FAT3: variants seen among roughly 807,000 people sequenced by gnomAD.
FAT3 encodes the protein protocadherin Fat 3.
In FAT3, 95 loss-of-function variants were observed where a neutral mutation model predicts 310.2. The ratio of observed to expected loss-of-function variants is 0.31; its 90% CI spans 0.26 to 0.36. The LOEUF (loss-of-function observed/expected upper bound fraction) is 0.36, where lower values mean the gene tolerates loss of function less well. Ranked by LOEUF, FAT3 falls within the 10% of genes least tolerant of loss-of-function variation. FAT3 has a pLI of 1.00. For synonymous variants in FAT3, 2,314 were observed against 2,192.9 expected, an observed-to-expected ratio of 1.06 and a Z score of -1.54; for missense variants, 5,408 against 5,715.6, an observed-to-expected ratio of 0.95 and a Z score of 1.74.
intron 21 of FAT3, 28 bp downstream of exon 21, chr11:92,859,350 C>T (rs946671452): frequency 6.5e-7 from 1 of 1,544,344 alleles, no homozygotes; most frequent in Non-Finnish European, 8.8e-7. Flanking sequence ...TCTTTTTCTG[C>T]AGTCAGTTCT....
intron 22 of FAT3, among the ~76,000 whole-genome samples, chr11:92,879,944 A>C (rs1216252720): frequency 6.6e-6 from 1 of 152,168 alleles, no homozygotes; most frequent in African/African-American, 2.4e-5. Context: ...AATTTAAAAA[A>C]ACAAATCTTA....
At chr11:92,840,946 C>T (rs1292682309) in intron 18 of FAT3, among the ~76,000 whole-genome samples, 187 bp downstream of exon 18, 1 of 152,144 alleles carries the variant, frequency 6.6e-6, no homozygotes, top group Non-Finnish European at 1.5e-5. Flanking sequence ...TGAAACTGAA[C>T]AGGAAGGAAG....
At chr11:92,644,491 C>G (rs551102585) in intron 3 of FAT3, among the ~76,000 whole-genome samples, 1 of 152,184 alleles carries the variant, frequency 6.6e-6, no homozygotes, top group Non-Finnish European at 1.5e-5. Context: ...ACCCCGCCCC[C>G]CCGATAACTC....
chr11:92,268,958 A>G (rs1417615135), intron 1 of FAT3, among the ~76,000 whole-genome samples: 1 of 152,118 alleles, frequency 6.6e-6, no homozygotes, highest in East Asian at 1.9e-4. Context: ...TTTACTTTGT[A>G]TGGGAAAAAA....
intron 2 of FAT3, among the ~76,000 whole-genome samples, chr11:92,455,726 A>G (rs1951477346): frequency 6.6e-6 from 1 of 152,172 alleles, no homozygotes; most frequent in Non-Finnish European, 1.5e-5. Flanking sequence ...TTACTTTTAG[A>G]TCTTAAAGTT....
intron 2 of FAT3, among the ~76,000 whole-genome samples, chr11:92,467,240 CTGT>C (rs1951787263): frequency 6.6e-6 from 1 of 152,140 alleles, no homozygotes; most frequent in South Asian, 2.1e-4. Context: ...TCTCCAGCAC[CTGT>C]TGTTTCCTGA....
intron 3 of FAT3, among the ~76,000 whole-genome samples, chr11:92,534,625 A>G (rs1042677021): frequency 6.6e-6 from 1 of 152,176 alleles, no homozygotes; most frequent in African/African-American, 2.4e-5. Flanking sequence ...ATAAATTCAT[A>G]TTGGATGTGT....
intron 13 of FAT3, among the ~76,000 whole-genome samples, chr11:92,825,339 A>G (rs1450295579): frequency 6.6e-6 from 1 of 152,200 alleles, no homozygotes; most frequent in Non-Finnish European, 1.5e-5. Flanking sequence ...CCTAAAAGGT[A>G]CATTAATCTA....
At chr11:92,282,054 C>T (rs958163093) in intron 1 of FAT3, among the ~76,000 whole-genome samples, 2 of 152,032 alleles carry the variant, frequency 1.3e-5, no homozygotes, top group Non-Finnish European at 2.9e-5. Flanking sequence ...TACAGGCACA[C>T]ACCACCATGC....
At chr11:92,428,407 T>G (rs1231987540) in intron 2 of FAT3, among the ~76,000 whole-genome samples, 1 of 152,178 alleles carries the variant, frequency 6.6e-6, no homozygotes, top group African/African-American at 2.4e-5. Flanking sequence ...CTTGGTTATT[T>G]CTTTTCTTCT....
At chr11:92,661,083 G>T (rs1326112486) in intron 3 of FAT3, among the ~76,000 whole-genome samples, 2 of 152,188 alleles carry the variant, frequency 1.3e-5, no homozygotes, top group African/African-American at 2.4e-5. Context: ...ATAGTCACAG[G>T]AGTAAGCAAA....
At chr11:92,582,373 T>A (rs960928761) in intron 3 of FAT3, among the ~76,000 whole-genome samples, 1 of 152,012 alleles carries the variant, frequency 6.6e-6, no homozygotes, top group Admixed American at 6.6e-5. Flanking sequence ...TTCACGTGCC[T>A]CTGACACTGC....
chr11:92,582,050 C>T (rs1248739433), intron 3 of FAT3, among the ~76,000 whole-genome samples: 1 of 151,988 alleles, frequency 6.6e-6, no homozygotes, highest in Non-Finnish European at 1.5e-5. Context: ...GTGGATTATT[C>T]ATGCCGCCCT....
At chr11:92,564,066 G>T (rs1267473764) in intron 3 of FAT3, among the ~76,000 whole-genome samples, 4 of 152,042 alleles carry the variant, frequency 2.6e-5, no homozygotes, top group Non-Finnish European at 2.9e-5. Flanking sequence ...TGGACTAAAT[G>T]CTCCAATTAA....
intron 2 of FAT3, among the ~76,000 whole-genome samples, chr11:92,521,325 T>C (rs1288876652): frequency 1.3e-5 from 2 of 152,090 alleles, no homozygotes; most frequent in Admixed American, 6.6e-5. Flanking sequence ...CACAAAAAAA[T>C]TATGTAATGG....
chr11:92,889,916 A>G, intron 27 of FAT3, 25 bp downstream of exon 27: 1 of 717,962 alleles, frequency 1.4e-6, no homozygotes, highest in Non-Finnish European at 2.6e-6. Context: ...ACCCTAGCAT[A>G]ACTTTTTGTG....
chr11:92,409,777 G>A (rs1453441982), intron 2 of FAT3, among the ~76,000 whole-genome samples: 60 of 152,118 alleles, frequency 3.9e-4, no homozygotes, highest in Admixed American at 3.9e-3. Context: ...TTACAACTTA[G>A]AGTTGTTTCT....
chr11:92,339,853 C>T (rs1396404753), intron 1 of FAT3, among the ~76,000 whole-genome samples: 1 of 152,034 alleles, frequency 6.6e-6, no homozygotes, highest in Non-Finnish European at 1.5e-5. Flanking sequence ...GTGGCTCAAG[C>T]CTGTAATTCC....
At chr11:92,631,856 T>C (rs901655037) in intron 3 of FAT3, among the ~76,000 whole-genome samples, 26 of 152,170 alleles carry the variant, frequency 1.7e-4, no homozygotes, top group Non-Finnish European at 3.8e-4. Flanking sequence ...CTTGGGAAAA[T>C]GGAGAGCTTC....
Sources: allele counts gnomAD v4.1 joint callset (sites outside exome capture counted in the v4.1 genomes callset), GRCh38; gene constraint gnomAD v4.1.1; transcripts MANE v1.5; gene names NCBI Gene and HGNC (gene_info 2026-07-23, HGNC 2026-07-21).